RSU1: variants seen among roughly 807,000 people sequenced by gnomAD.
RSU1 encodes the protein Ras suppressor protein 1, also known as rsu-1.
A neutral mutation model predicts 31.1 loss-of-function variants in RSU1; 26 were observed. The ratio of observed to expected loss-of-function variants is 0.84; its 90% CI spans 0.61 to 1.16. The LOEUF (loss-of-function observed/expected upper bound fraction) is 1.16. Ranked by LOEUF, RSU1 falls within the 50% of genes most tolerant of loss-of-function variation. RSU1 has a pLI of 0.00. For synonymous variants in RSU1, 164 were observed against 136.3 expected, an observed-to-expected ratio of 1.20 and a Z score of -1.41; for missense variants, 320 against 339.1, an observed-to-expected ratio of 0.94 and a Z score of 0.44.
At chr10:16,697,385 G>C (rs1257567597) in intron 7 of RSU1, among the ~76,000 whole-genome samples, 2 of 152,218 alleles carry the variant, frequency 1.3e-5, no homozygotes, top group African/African-American at 4.8e-5. Flanking sequence ...GGCCAGGAGT[G>C]GTGGCTGATG....
At chr10:16,670,809 G>A (rs1564309944) in intron 8 of RSU1, among the ~76,000 whole-genome samples, 1 of 152,158 alleles carries the variant, frequency 6.6e-6, no homozygotes, top group East Asian at 1.9e-4. Context: ...TTGTCACCCA[G>A]GCTGGAGTCC....
At chr10:16,809,980 G>A (rs2131277621) in intron 2 of RSU1, among the ~76,000 whole-genome samples, 1 of 151,246 alleles carries the variant, frequency 6.6e-6, no homozygotes, top group African/African-American at 2.4e-5. Context: ...CAGCAATTTG[G>A]GAGGCCGGGG....
At chr10:16,635,852 C>T (rs1321934389) in intron 8 of RSU1, among the ~76,000 whole-genome samples, 1 of 152,224 alleles carries the variant, frequency 6.6e-6, no homozygotes. Context: ...TTGCTAGGAC[C>T]TCCACATCCT....
chr10:16,641,013 A>C (rs1834432559), intron 8 of RSU1, among the ~76,000 whole-genome samples: 1 of 152,206 alleles, frequency 6.6e-6, no homozygotes, highest in South Asian at 2.1e-4. Flanking sequence ...GGCCACCATT[A>C]AAGTCAGGCT....
intron 8 of RSU1, among the ~76,000 whole-genome samples, chr10:16,646,587 G>GT (rs1564298979): frequency 6.6e-6 from 1 of 152,234 alleles, no homozygotes; most frequent in South Asian, 2.1e-4. Flanking sequence ...TATTTAAAGT[G>GT]TTTTTTTCCT....
At position 16,591,947 on chromosome 10, in the gene RSU1, T is replaced by G. The variant is rs74125977; in HGVS notation, c.*1447A>C. On this transcript the variant is annotated 3_prime_UTR_variant, in exon 9 of 9. Transcript: ENST00000345264. ...GACCTGGGGAAGCCACTTCCCACAT[T>G]TAAATGTTCTATCAGGAATTTGTCT... is the stretch of plus-strand genomic sequence containing the variant. The G allele has an allele frequency of 0.044, 6,758 of 152,298 alleles. 511 individuals carry two copies. Among genetic ancestry groups the G allele is most frequent in the African/African-American group, 0.15 (6,187 of 41,506 alleles). 9.4% of individuals were successfully genotyped at this position (152,298 alleles called of 1,614,324 possible).
intron 4 of RSU1, 25 bp downstream of exon 4, chr10:16,764,365 T>G (rs1335120005): frequency 6.2e-7 from 1 of 1,600,056 alleles, no homozygotes; most frequent in African/African-American, 1.3e-5. Context: ...TTCCTCTCCA[T>G]CCTTTCCGCT....
chr10:16,748,881 C>T (rs1299096545), intron 7 of RSU1, among the ~76,000 whole-genome samples: 3 of 152,018 alleles, frequency 2.0e-5, no homozygotes, highest in African/African-American at 4.8e-5. Context: ...TTTCCCAGAG[C>T]TCTTAATACC....
At chr10:16,763,112 T>C (rs533033596) in intron 4 of RSU1, among the ~76,000 whole-genome samples, 4 of 152,066 alleles carry the variant, frequency 2.6e-5, no homozygotes, top group Non-Finnish European at 4.4e-5. Context: ...TTAATGAACA[T>C]ATGACTTTGC....
At chr10:16,724,529 A>G (rs1836343886) in intron 7 of RSU1, among the ~76,000 whole-genome samples, 1 of 152,238 alleles carries the variant, frequency 6.6e-6, no homozygotes. Flanking sequence ...CTAAAGGGCT[A>G]AGATCTGAGT....
At chr10:16,685,615 A>G (rs539467552) in intron 8 of RSU1, among the ~76,000 whole-genome samples, 176 of 149,208 alleles carry the variant, frequency 1.2e-3, no homozygotes, top group African/African-American at 3.8e-3. Flanking sequence ...GAGGACGACC[A>G]GAGGTTACTC....
rs756742528 is a variant in RSU1, at chr10:16,755,014, T to C, written c.282-25A>G. ...GCTGTTGCAGGGGGACAAAAATCTA[T>C]GTCATGACACCAAAGACACATTCAT... On this transcript the variant is annotated intron_variant, in intron 4 of 8. Coordinates refer to ENST00000345264, the MANE Select transcript of RSU1 (RefSeq NM_012425.4). The C allele has an allele frequency of 4.2e-6, 6 of 1,438,554 alleles. No homozygotes were observed. In the South Asian group the frequency reaches 6.9e-5, roughly 17 times the overall value. 89.1% of individuals were successfully genotyped at this position (1,438,554 alleles called of 1,614,324 possible). A position where few individuals can be genotyped will look rare whatever the true frequency, so the allele number is the denominator to read the frequency against.
intron 8 of RSU1, among the ~76,000 whole-genome samples, chr10:16,658,052 A>G (rs1399224463): frequency 6.6e-6 from 1 of 152,144 alleles, no homozygotes; most frequent in Non-Finnish European, 1.5e-5. Context: ...ATGCAACTTG[A>G]TGCCCCGGGG....
intron 8 of RSU1, among the ~76,000 whole-genome samples, chr10:16,665,297 C>T (rs951691388): frequency 6.6e-5 from 10 of 152,100 alleles, no homozygotes; most frequent in African/African-American, 2.4e-4. Flanking sequence ...CCTAACAACC[C>T]TCCAAGAAGA....
intron 8 of RSU1, among the ~76,000 whole-genome samples, chr10:16,666,858 G>A (rs570067664): frequency 2.0e-5 from 3 of 151,896 alleles, no homozygotes; most frequent in South Asian, 2.1e-4. Flanking sequence ...GCATGGTGAC[G>A]CATGCCTGTA....
At chr10:16,636,590 T>C (rs76781352) in intron 8 of RSU1, among the ~76,000 whole-genome samples, 1,696 of 152,272 alleles carry the variant, frequency 0.011, 25 homozygotes, top group African/African-American at 0.038. Flanking sequence ...ACTCTGATCT[T>C]GTCACTCTTT....
At position 16,633,832 on chromosome 10, in the gene RSU1, G is replaced by A. The variant is rs556486786; in HGVS notation, c.732-40336C>T. Among the ~76,000 whole-genome samples, 6 of 152,230 alleles carry A rather than the reference G, an allele frequency of 3.9e-5. No homozygotes were observed. The East Asian group carries it at 1.2e-3, about 29-fold the overall frequency. Reference sequence around the variant, plus strand: ...AAGCAGAGGGCATTTGTCCTGCCCTGGGTGGGTCAGGATCTCACAACCCCT... The same window carrying A: ...AAGCAGAGGGCATTTGTCCTGCCCTAGGTGGGTCAGGATCTCACAACCCCT... On this transcript the variant is annotated intron_variant, in intron 8 of 8. Coordinates refer to ENST00000345264, the MANE Select transcript of RSU1 (RefSeq NM_012425.4).
chr10:16,636,533 C>A (rs1272760024), intron 8 of RSU1, among the ~76,000 whole-genome samples: 1 of 152,170 alleles, frequency 6.6e-6, no homozygotes, highest in Admixed American at 6.5e-5. Context: ...CTGTTTTCTG[C>A]GCTTCCCTTT....
At chr10:16,694,594 A>T (rs1835635034) in intron 8 of RSU1, among the ~76,000 whole-genome samples, 7 of 152,090 alleles carry the variant, frequency 4.6e-5, no homozygotes, top group Admixed American at 2.6e-4. Flanking sequence ...TCTTTTGAGA[A>T]AGGGTCGTGC....
Sources: allele counts gnomAD v4.1 joint callset (sites outside exome capture counted in the v4.1 genomes callset), GRCh38; gene constraint gnomAD v4.1.1; transcripts MANE v1.5; gene names NCBI Gene and HGNC (gene_info 2026-07-23, HGNC 2026-07-21).